IGF2BP2: variants seen among roughly 807,000 people sequenced by gnomAD.
IGF2BP2 encodes insulin-like growth factor 2 mRNA-binding protein 2.
A neutral mutation model predicts 75.8 loss-of-function variants in IGF2BP2; 17 were observed. That is an observed-to-expected ratio of 0.22 (90% CI 0.15 to 0.34). IGF2BP2 has a LOEUF of 0.34. Among genes scored for constraint, IGF2BP2 ranks in the 10% least tolerant of loss-of-function variants. IGF2BP2 has a pLI of 1.00. For missense variants in IGF2BP2, 516 were observed against 772.4 expected, an observed-to-expected ratio of 0.67 and a Z score of 3.93; for synonymous variants, 288 against 295.6, an observed-to-expected ratio of 0.97 and a Z score of 0.26.
At chr3:185,765,092 A>G (rs774401747) in intron 2 of IGF2BP2, among the ~76,000 whole-genome samples, 2 of 152,138 alleles carry the variant, frequency 1.3e-5, no homozygotes, top group Non-Finnish European at 2.9e-5. Flanking sequence ...CTACCCGTTT[A>G]TGACTTAGGA....
chr3:185,824,016 G>A (rs1206129137), intron 1 of IGF2BP2, among the ~76,000 whole-genome samples: 1 of 152,146 alleles, frequency 6.6e-6, no homozygotes, highest in Non-Finnish European at 1.5e-5. Context: ...AGCGGGAGGC[G>A]GGGGGACGGG....
At chr3:185,822,836 TG>T (rs1323930827) in intron 2 of IGF2BP2, among the ~76,000 whole-genome samples, 1 of 95,410 alleles carries the variant, frequency 1.0e-5, no homozygotes, top group African/African-American at 4.1e-5. Context: ...GCTATTCTGC[TG>T]GGGGTAGGGG....
At chr3:185,812,534 G>C (rs9837654) in intron 2 of IGF2BP2, among the ~76,000 whole-genome samples, 1 of 152,082 alleles carries the variant, frequency 6.6e-6, no homozygotes, top group East Asian at 1.9e-4. Flanking sequence ...GGAGTAACAA[G>C]GGCAGGGTCT....
At chr3:185,796,614 T>A (rs1223072152) in intron 2 of IGF2BP2, among the ~76,000 whole-genome samples, 8 of 81,884 alleles carry the variant, frequency 9.8e-5, no homozygotes, top group East Asian at 5.7e-4. Context: ...ATTCCTGAGC[T>A]AGGAAAAAAA....
At chr3:185,803,119 G>A (rs867160394) in intron 2 of IGF2BP2, among the ~76,000 whole-genome samples, 6 of 152,246 alleles carry the variant, frequency 3.9e-5, no homozygotes, top group African/African-American at 1.4e-4. Context: ...TTGAGGCCTA[G>A]GCAGGTGGAT....
intron 1 of IGF2BP2, 54 bp from the exon 2 acceptor site, chr3:185,823,267 G>A: frequency 7.2e-7 from 1 of 1,386,370 alleles, no homozygotes; most frequent in Admixed American, 2.0e-5. Context: ...AGCCCGCGGG[G>A]GTCTAGGGGG....
intron 2 of IGF2BP2, among the ~76,000 whole-genome samples, chr3:185,790,651 G>A (rs1736524701): frequency 6.6e-6 from 1 of 152,158 alleles, no homozygotes; most frequent in Non-Finnish European, 1.5e-5. Flanking sequence ...AGCTATTCAT[G>A]TTAAATCTGC....
chr3:185,722,222 C>T (rs1726675816), intron 2 of IGF2BP2: 2 of 455,796 alleles, frequency 4.4e-6, no homozygotes, highest in Non-Finnish European at 8.8e-6. Context: ...GCACATGCCA[C>T]CATGCCCAGC....
intron 2 of IGF2BP2, chr3:185,724,505 A>G (rs1727038965): frequency 6.6e-6 from 1 of 152,222 alleles, no homozygotes; most frequent in African/African-American, 2.4e-5. Flanking sequence ...CCGAGTTCAA[A>G]GCCCACCCAG....
At chr3:185,661,767 G>A (rs188322495) in intron 10 of IGF2BP2, among the ~76,000 whole-genome samples, 4 of 152,040 alleles carry the variant, frequency 2.6e-5, no homozygotes, top group South Asian at 2.1e-4. Context: ...GTGTTCTACC[G>A]GGGAGGCAGG....
At chr3:185,751,836 G>A (rs1429083440) in intron 2 of IGF2BP2, among the ~76,000 whole-genome samples, 2 of 151,780 alleles carry the variant, frequency 1.3e-5, no homozygotes, top group Admixed American at 6.6e-5. Flanking sequence ...GGTGGTGGGC[G>A]CCTGTAGTCC....
At chr3:185,704,754 G>GTC (rs1278669305) in intron 2 of IGF2BP2, among the ~76,000 whole-genome samples, 1 of 151,894 alleles carries the variant, frequency 6.6e-6, no homozygotes, top group Non-Finnish European at 1.5e-5. Context: ...CAGCCCAACT[G>GTC]TCTCTTAAAG....
intron 12 of IGF2BP2, 151 bp downstream of exon 12, chr3:185,657,135 C>T (rs988915701): frequency 1.1e-5 from 6 of 562,966 alleles, no homozygotes; most frequent in Admixed American, 8.1e-5. Flanking sequence ...AAGATGAGAG[C>T]GGACGGGAAT....
At chr3:185,661,916 G>A (rs924585597) in intron 10 of IGF2BP2, among the ~76,000 whole-genome samples, 3 of 152,108 alleles carry the variant, frequency 2.0e-5, no homozygotes, top group Admixed American at 6.6e-5. Flanking sequence ...GCACTGGGAC[G>A]GAGCATTCTA....
chr3:185,686,064 G>A (rs1293347918), intron 7 of IGF2BP2, among the ~76,000 whole-genome samples: 1 of 152,156 alleles, frequency 6.6e-6, no homozygotes, highest in Non-Finnish European at 1.5e-5. Flanking sequence ...TCATTACACT[G>A]TGGAATCCTA....
chr3:185,804,710 C>G (rs1738762743), intron 2 of IGF2BP2, among the ~76,000 whole-genome samples: 1 of 152,062 alleles, frequency 6.6e-6, no homozygotes, highest in African/African-American at 2.4e-5. Flanking sequence ...CAATCATAGG[C>G]CAGGCACGGT....
At chr3:185,655,158 G>A (rs1178960323) in intron 12 of IGF2BP2, among the ~76,000 whole-genome samples, 1 of 152,206 alleles carries the variant, frequency 6.6e-6, no homozygotes, top group East Asian at 1.9e-4. Flanking sequence ...TTGAGACAGA[G>A]TCTTGCCCTG....
chr3:185,824,522 C>T lies in IGF2BP2; in HGVS notation c.178+261G>A, dbSNP rs1741781170. 2.2e-5 allele frequency among the ~76,000 whole-genome samples: 3 copies of T among 137,176 alleles called. No homozygotes were observed. The East Asian group carries it at 6.5e-4, about 30-fold the overall frequency. The allele number at this position is 137,176 out of a possible 152,430, so 90.0% of individuals were successfully genotyped here. A position where few individuals can be genotyped will look rare whatever the true frequency, so the allele number is the denominator to read the frequency against. ...GTGCCCCTAAGGAGCCGGCGAGCCT[C>T]GGGAGCCTTCGGAGCGGCACGGGGG... is the stretch of plus-strand genomic sequence containing the variant. On this transcript the variant is annotated intron_variant, in intron 1 of 15. Coordinates refer to ENST00000382199, the MANE Select transcript of IGF2BP2 (RefSeq NM_006548.6).
Position 185,665,488 on chromosome 3 carries a change from G to A in IGF2BP2, c.1200+7053C>T, listed in dbSNP as rs1247530863. Among the ~76,000 whole-genome samples the A allele has an allele frequency of 6.1e-3, 346 of 57,152 alleles. 6 individuals carry two copies. The highest frequency in any genetic ancestry group is 7.1e-3 in the Non-Finnish European group (214 of 30,262). The allele number at this position is 57,152 out of a possible 152,430, so 37.5% of individuals were successfully genotyped here. On this transcript the variant is annotated intron_variant, in intron 10 of 15. Transcript: ENST00000382199. ...GAAGAAGAAGAAGGAGAAGAAGGAG[G>A]AGAAGGAGGAGGAGAAGGAGGAGGA... is the stretch of plus-strand genomic sequence containing the variant.
Sources: gnomAD v4.1 joint callset for allele counts (sites outside exome capture counted in the v4.1 genomes callset) on GRCh38, gnomAD v4.1.1 for gene constraint, MANE v1.5 for transcripts, NCBI Gene and HGNC (gene_info 2026-07-23, HGNC 2026-07-21) for gene names.